Variants in KMT2E observed in about 807,000 individuals in gnomAD.
KMT2E encodes the protein histone reader KMT2E.
Under a neutral mutation model 184.6 loss-of-function variants are expected in KMT2E, and 30 were observed. The ratio of observed to expected loss-of-function variants is 0.16; its 90% confidence interval spans 0.12 to 0.22. The LOEUF is 0.22. Among genes scored for constraint, KMT2E ranks in the 10% least tolerant of loss-of-function variants. KMT2E has a pLI of 1.00. For missense variants in KMT2E, 2,023 were observed against 2,237.4 expected (o/e 0.90, Z 1.93); for synonymous variants, 815 against 776.5 (o/e 1.05, Z -0.82).
chr7:105,099,001 A>G (rs1247023063), intron 15 of KMT2E, among the ~76,000 whole-genome samples: 1 of 152,182 alleles, frequency 6.6e-6, no homozygotes, highest in Non-Finnish European at 1.5e-5. Context: ...GAGCTATAAA[A>G]TGGGAGGCAA....
chr7:105,017,995 A>G (rs1296642518), intron 1 of KMT2E, among the ~76,000 whole-genome samples: 1 of 152,146 alleles, frequency 6.6e-6, no homozygotes, highest in Admixed American at 6.5e-5. Context: ...GGACTTCTTG[A>G]GTCTATTGAG....
At chr7:105,071,298 A>G (rs1231485379) in intron 6 of KMT2E, among the ~76,000 whole-genome samples, 1 of 151,980 alleles carries the variant, frequency 6.6e-6, no homozygotes. Flanking sequence ...TGATAAATGT[A>G]TATATAAAAT....
chr7:105,024,393 C>T (rs977078259), intron 1 of KMT2E, among the ~76,000 whole-genome samples: 1 of 152,086 alleles, frequency 6.6e-6, no homozygotes, highest in Admixed American at 6.5e-5. Context: ...CCATGATGAA[C>T]GAAAGGATTT....
At chr7:105,026,638 A>C (rs1795188616) in intron 1 of KMT2E, among the ~76,000 whole-genome samples, 1 of 152,186 alleles carries the variant, frequency 6.6e-6, no homozygotes, top group African/African-American at 2.4e-5. Flanking sequence ...TATTAGTATT[A>C]ATCGTTAGCT....
At chr7:105,034,235 G>C (rs750200183) in intron 1 of KMT2E, among the ~76,000 whole-genome samples, 2 of 151,524 alleles carry the variant, frequency 1.3e-5, no homozygotes, top group Non-Finnish European at 2.9e-5. Context: ...GTGTGTGTGT[G>C]TTTGTTTGTT....
At chr7:105,021,035 CA>C (rs1794927967) in intron 1 of KMT2E, among the ~76,000 whole-genome samples, 1 of 152,042 alleles carries the variant, frequency 6.6e-6, no homozygotes, top group Non-Finnish European at 1.5e-5. Flanking sequence ...TTCCTCTTAC[CA>C]TCTTGCTTTA....
Position 105,071,608 on chromosome 7 carries a change from ATTTTTTTTTTTTTT to A in KMT2E, c.498-1996_498-1983del, listed in dbSNP as rs869055986. On this transcript the variant is annotated intron_variant, in intron 6 of 26. Coordinates refer to ENST00000311117, the MANE Select transcript of KMT2E (RefSeq NM_182931.3). ...TATATATATATATATATATATATAT[ATTTTTTTTTTTTTT>A]TTTTTTTTTTTTTTAAGTAGAGAAC... 8.0e-3 allele frequency among the ~76,000 whole-genome samples: 256 copies of A among 31,914 alleles called. 5 individuals are homozygous for A. The highest frequency in any genetic ancestry group is 0.034 in the African/African-American group (247 of 7,322). 20.9% of individuals were successfully genotyped at this position (31,914 alleles called of 152,430 possible).
At chr7:105,042,089 C>T (rs1795906265) in intron 3 of KMT2E, among the ~76,000 whole-genome samples, 2 of 152,196 alleles carry the variant, frequency 1.3e-5, no homozygotes, top group Non-Finnish European at 2.9e-5. Context: ...CCTCCAGGCT[C>T]AAGGGATTCT....
At chr7:105,111,748 A>G (rs1799294313) in intron 26 of KMT2E, 77 bp from the exon 27 acceptor site, 1 of 1,470,362 alleles carries the variant, frequency 6.8e-7, no homozygotes, top group Non-Finnish European at 9.1e-7. Context: ...TTTAGGTAGT[A>G]TTAAATACCA....
At chr7:105,042,681 CAT>C (rs1332187353) in intron 3 of KMT2E, among the ~76,000 whole-genome samples, 7 of 152,192 alleles carry the variant, frequency 4.6e-5, no homozygotes, top group East Asian at 3.8e-4. Flanking sequence ...TGAAATGCCA[CAT>C]GTGATGAACT....
At chr7:105,065,955 TCTATTA>T (rs1797008638) in intron 5 of KMT2E, among the ~76,000 whole-genome samples, 1 of 152,180 alleles carries the variant, frequency 6.6e-6, no homozygotes, top group South Asian at 2.1e-4. Flanking sequence ...GTCCATGTAT[TCTATTA>T]AAAGTAATTA....
intron 1 of KMT2E, among the ~76,000 whole-genome samples, chr7:105,033,209 A>G (rs1795497372): frequency 1.3e-5 from 2 of 152,246 alleles, no homozygotes; most frequent in East Asian, 3.8e-4. Flanking sequence ...TCATGTTACA[A>G]TCAAAAAGGA....
rs752343063 is a variant in KMT2E, at chr7:105,101,422, T to C, written c.1723-3T>C. 1.3e-6 allele frequency: 2 copies of C among 1,524,554 alleles called. No individual in the cohort carries two copies. The highest frequency in any genetic ancestry group is 4.5e-5 in the Admixed American group (2 of 44,128). The allele number at this position is 1,524,554 out of a possible 1,614,324, so 94.4% of individuals were successfully genotyped here. On this transcript the variant is annotated splice_polypyrimidine_tract_variant and splice_region_variant and intron_variant, in intron 15 of 26. Coordinates refer to ENST00000311117, the MANE Select transcript of KMT2E (RefSeq NM_182931.3). ...GATGTCACTTAAAATTTAAATTTCA[T>C]AGACAAGAGAAGAAAGAAAAATGGA...
At chr7:105,017,957 T>C (rs1214088583) in intron 1 of KMT2E, among the ~76,000 whole-genome samples, 2 of 152,176 alleles carry the variant, frequency 1.3e-5, no homozygotes, top group African/African-American at 2.4e-5. Context: ...AGAGAAATCA[T>C]TGCCATATAT....
At chr7:105,073,395 T>TG (rs1171570165) in intron 6 of KMT2E, among the ~76,000 whole-genome samples, 59 of 118,494 alleles carry the variant, frequency 5.0e-4, no homozygotes, top group South Asian at 1.4e-3. Flanking sequence ...AGACCCTGTC[T>TG]GGGGAAAAAA....
At chr7:105,079,325 G>A (rs1012565183) in intron 12 of KMT2E, among the ~76,000 whole-genome samples, 3 of 151,374 alleles carry the variant, frequency 2.0e-5, no homozygotes, top group African/African-American at 2.4e-5. Flanking sequence ...TAGTAGGGAC[G>A]GGGTTTCACC....
intron 6 of KMT2E, among the ~76,000 whole-genome samples, chr7:105,072,539 A>G (rs1797365478): frequency 2.0e-5 from 3 of 152,206 alleles, no homozygotes; most frequent in Non-Finnish European, 4.4e-5. Context: ...CCTCTAAACT[A>G]TATACAGTGA....
intron 15 of KMT2E, chr7:105,091,716 C>CAA (rs761405130): frequency 1.2e-3 from 173 of 142,760 alleles, no homozygotes; most frequent in Middle Eastern, 5.5e-3. Context: ...ATTGCTTATG[C>CAA]AAAAAAAAAA....
chr7:105,107,900 C>T lies in KMT2E; in HGVS notation c.3443C>T (p.Pro1148Leu). 1.2e-6 allele frequency: 2 copies of T among 1,605,368 alleles called. No homozygotes were observed. The highest frequency in any genetic ancestry group is 2.2e-5 in the East Asian group (1 of 44,728). ...AATTTGATCGACGGGAATTGCACAC[C>T]CCAGAATCCACCACAAAAGAAAAAG... ...NDNLIDGNCT[P>L]QNPPQKKKVS... is the part of the protein sequence containing the mutation. The change falls in exon 22 of 27, where the codon CCC becomes CTC. Residue 1148 changes from proline to leucine, a missense_variant. Pro to Leu is a moderately conservative substitution (Grantham distance 98, BLOSUM62 -3). Coordinates refer to ENST00000311117, the MANE Select transcript of KMT2E (RefSeq NM_182931.3).
Sources: allele counts gnomAD v4.1 joint callset (sites outside exome capture counted in the v4.1 genomes callset), GRCh38; gene constraint gnomAD v4.1.1; transcripts MANE v1.5; gene names NCBI Gene and HGNC (gene_info 2026-07-23, HGNC 2026-07-21).